Variants in TMEM182 observed in about 807,000 individuals in gnomAD.
TMEM182 encodes the protein transmembrane protein 182.
Under a neutral mutation model 26.8 loss-of-function variants are expected in TMEM182, and 20 were observed. That is an observed-to-expected ratio of 0.75 (90% CI 0.53 to 1.09). The LOEUF is 1.09. TMEM182 is among the 50% of genes least tolerant of loss of function. The probability of loss-of-function intolerance (pLI) is 0.00; values close to 1 mark genes in which losing one functional copy is unlikely to be tolerated. For missense variants in TMEM182, 277 were observed against 275.5 expected (o/e 1.01, Z -0.04); for synonymous variants, 109 against 102.2 (o/e 1.07, Z -0.40).
chr2:102,816,108 G>A lies in TMEM182; in HGVS notation c.*1140G>A, dbSNP rs1206612886. ...GGGAAAGATGATTCTGTATTATTCA[G>A]TAGCATAGACATTTTGCATATCAAA... On this transcript the variant is annotated 3_prime_UTR_variant, in exon 5 of 5. Coordinates refer to ENST00000412401, the MANE Select transcript of TMEM182 (RefSeq NM_144632.5). 1.0e-6 allele frequency: 1 copy of A among 985,196 alleles called. No individual in the cohort carries two copies. Among genetic ancestry groups the A allele is most frequent in the Non-Finnish European group, 1.2e-6 (1 of 829,932 alleles). 61.0% of individuals were successfully genotyped at this position (985,196 alleles called of 1,614,324 possible).
downstream of TMEM182, among the ~76,000 whole-genome samples, chr2:102,819,394 G>C (rs1002223661): frequency 6.6e-6 from 1 of 152,122 alleles, no homozygotes; most frequent in East Asian, 1.9e-4. Context: ...AAATTCAAGG[G>C]AAATTTTTCT....
chr2:102,740,121 C>T (rs1372632243), intron 1 of TMEM182, among the ~76,000 whole-genome samples: 3 of 152,124 alleles, frequency 2.0e-5, no homozygotes, highest in African/African-American at 7.2e-5. Context: ...GATGACCATT[C>T]TCATTTATGG....
At chr2:102,800,019 T>TA (rs112383210) in intron 4 of TMEM182, among the ~76,000 whole-genome samples, 1,988 of 147,508 alleles carry the variant, frequency 0.013, 43 homozygotes, top group African/African-American at 0.046. Context: ...TTTAAAGAGC[T>TA]AAAAAAAAAA....
chr2:102,762,253 C>T lies in TMEM182; in HGVS notation c.36C>T (p.Leu12=). 6.2e-7 allele frequency: 1 copy of T among 1,613,178 alleles called. No individual in the cohort carries two copies. Among genetic ancestry groups the T allele is most frequent in the Non-Finnish European group, 8.5e-7 (1 of 1,179,710 alleles). Reference sequence around the variant, plus strand: ...ATATCGCTATCTTCTTTGGAGCTCTCTTTGGTGCTTTGGGGGTGTTACTCT... The same window carrying T: ...ATATCGCTATCTTCTTTGGAGCTCTTTTTGGTGCTTTGGGGGTGTTACTCT... ...RLNIAIFFGA[L]FGALGVLLFL... Residue 12 remains leucine, a synonymous_variant, in exon 1 of 5, where the codon CTC becomes CTT. Coordinates refer to ENST00000412401, the MANE Select transcript of TMEM182 (RefSeq NM_144632.5).
At chr2:102,774,090 CAT>C (rs1345962248) in intron 3 of TMEM182, among the ~76,000 whole-genome samples, 1 of 151,992 alleles carries the variant, frequency 6.6e-6, no homozygotes, top group African/African-American at 2.4e-5. Flanking sequence ...TAATTATCAA[CAT>C]ATCTTATCTA....
At chr2:102,777,379 G>A (rs1386167097) in intron 3 of TMEM182, among the ~76,000 whole-genome samples, 3 of 152,056 alleles carry the variant, frequency 2.0e-5, no homozygotes, top group South Asian at 4.1e-4. Flanking sequence ...AATTGTGTCA[G>A]CACCATTTAT....
intron 3 of TMEM182, among the ~76,000 whole-genome samples, chr2:102,764,830 TATA>T (rs1457244000): frequency 6.6e-6 from 1 of 151,072 alleles, no homozygotes; most frequent in Non-Finnish European, 1.5e-5. Context: ...CAGATAAATA[TATA>T]ATATGTATAC....
chr2:102,814,659 C>A, intron 4 of TMEM182, 89 bp from the exon 5 acceptor site: 1 of 1,166,604 alleles, frequency 8.6e-7, no homozygotes, highest in Non-Finnish European at 1.2e-6. Context: ...TTTGCAGGAG[C>A]TTGTCATCCG....
At chr2:102,790,024 C>T (rs1346512321) in intron 3 of TMEM182, among the ~76,000 whole-genome samples, 1 of 152,166 alleles carries the variant, frequency 6.6e-6, no homozygotes, top group Non-Finnish European at 1.5e-5. Context: ...GTCTTTCCTG[C>T]CATTCGACAC....
At chr2:102,771,246 G>T (rs562286339) in intron 3 of TMEM182, among the ~76,000 whole-genome samples, 2 of 152,288 alleles carry the variant, frequency 1.3e-5, no homozygotes, top group South Asian at 4.1e-4. Context: ...AACTTAATTT[G>T]CTGGTATTCG....
At chr2:102,836,528 A>G (rs1054964949) in intron 3 of TMEM182, among the ~76,000 whole-genome samples, 1 of 152,212 alleles carries the variant, frequency 6.6e-6, no homozygotes, top group African/African-American at 2.4e-5. Context: ...CCTTATAAGA[A>G]TGCTATGAGG....
chr2:102,784,958 A>G (rs1032165500), intron 3 of TMEM182, among the ~76,000 whole-genome samples: 1 of 152,212 alleles, frequency 6.6e-6, no homozygotes, highest in African/African-American at 2.4e-5. Flanking sequence ...TGTGACTTAG[A>G]ATGCCTTAAT....
chr2:102,800,103 A>C (rs903767539), intron 4 of TMEM182, among the ~76,000 whole-genome samples: 1 of 152,118 alleles, frequency 6.6e-6, no homozygotes, highest in East Asian at 1.9e-4. Context: ...CTTTCACTGG[A>C]TTTAGCCATT....
chr2:102,794,927 C>A (rs1275347022), intron 3 of TMEM182, among the ~76,000 whole-genome samples: 1 of 152,134 alleles, frequency 6.6e-6, no homozygotes, highest in African/African-American at 2.4e-5. Context: ...TCCAATGACA[C>A]AAATGTGAGA....
At chr2:102,832,974 G>A (rs973691768) in intron 3 of TMEM182, among the ~76,000 whole-genome samples, 1 of 152,158 alleles carries the variant, frequency 6.6e-6, no homozygotes, top group Non-Finnish European at 1.5e-5. Context: ...ATGTCTGTGA[G>A]TCTTTGAAAT....
chr2:102,805,230 G>T (rs1682302819), intron 4 of TMEM182, among the ~76,000 whole-genome samples: 1 of 152,158 alleles, frequency 6.6e-6, no homozygotes, highest in Non-Finnish European at 1.5e-5. Context: ...GTGTCTAACT[G>T]GTTGTTAGAA....
intron 4 of TMEM182, among the ~76,000 whole-genome samples, chr2:102,808,485 CATCGATAAGTTCCAGTGCCATTTT>C (rs1054602033): frequency 2.6e-5 from 4 of 152,176 alleles, no homozygotes; most frequent in African/African-American, 9.7e-5. Flanking sequence ...CCTGCCGTAG[CATCGATAAGTTCCAGTGCCATTTT>C]ATCAGTTTTG....
intron 1 of TMEM182, among the ~76,000 whole-genome samples, chr2:102,748,499 T>C (rs1679781506): frequency 6.6e-6 from 1 of 152,264 alleles, no homozygotes; most frequent in Non-Finnish European, 1.5e-5. Flanking sequence ...TTATCTGCAA[T>C]GTGGTGGGTC....
intron 4 of TMEM182, among the ~76,000 whole-genome samples, chr2:102,800,832 T>TGTGC (rs1220535402): frequency 1.3e-5 from 2 of 150,188 alleles, no homozygotes; most frequent in Non-Finnish European, 1.5e-5. Context: ...TGTGTGTGTG[T>TGTGC]GTGTGTGTGT....
Sources: allele counts gnomAD v4.1 joint callset (sites outside exome capture counted in the v4.1 genomes callset), GRCh38; gene constraint gnomAD v4.1.1; transcripts MANE v1.5; gene names NCBI Gene and HGNC (gene_info 2026-07-23, HGNC 2026-07-21).